Variants in SCN9A observed in about 807,000 individuals in gnomAD.
The protein encoded by SCN9A is sodium voltage-gated channel alpha subunit 9.
In SCN9A, 131 loss-of-function variants were observed where a neutral mutation model predicts 187.0. The observed-to-expected ratio is 0.70, with a 90% CI of 0.61 to 0.81. SCN9A has a LOEUF of 0.81. Ranked by LOEUF, SCN9A falls within the 30% of genes least tolerant of loss-of-function variation. The pLI is 0.00. For missense variants in SCN9A, 2,252 were observed against 2,396.6 expected (o/e 0.94, Z 1.26); for synonymous variants, 809 against 808.6 (o/e 1.00, Z -0.01).
chr2:166,307,104 G>T, intron 2 of SCN9A, 30 bp from the exon 3 acceptor site: 1 of 1,284,582 alleles, frequency 7.8e-7, no homozygotes, highest in Non-Finnish European at 1.1e-6. Context: ...GGATGAAATT[G>T]AGAATCCAAA....
At chr2:166,255,987 T>C (rs574496655) in intron 17 of SCN9A, among the ~76,000 whole-genome samples, 2 of 151,506 alleles carry the variant, frequency 1.3e-5, no homozygotes, top group Admixed American at 1.3e-4. Context: ...AGGAGTAAAA[T>C]AGTAAATTTC....
At chr2:166,226,478 A>G in intron 24 of SCN9A, 89 bp downstream of exon 24, 1 of 878,128 alleles carries the variant, frequency 1.1e-6, no homozygotes, top group Non-Finnish European at 1.7e-6. Context: ...TTAATCATGA[A>G]TTGATATCAA....
chr2:166,342,806 A>G (rs1699817408), intron 1 of SCN9A, among the ~76,000 whole-genome samples: 1 of 152,250 alleles, frequency 6.6e-6, no homozygotes, highest in African/African-American at 2.4e-5. Flanking sequence ...AAAGATAAGA[A>G]TGAAGACAAA....
chr2:166,368,903 C>A (rs1435241877), intron 1 of SCN9A, among the ~76,000 whole-genome samples: 1 of 151,386 alleles, frequency 6.6e-6, no homozygotes, highest in Non-Finnish European at 1.5e-5. Context: ...AGGAGAATTG[C>A]TTGAACCTGG....
intron 15 of SCN9A, 52 bp from the exon 16 acceptor site, chr2:166,277,391 G>A (rs1697284822): frequency 8.0e-7 from 1 of 1,249,304 alleles, no homozygotes; most frequent in African/African-American, 1.5e-5. Context: ...TCTTTTCAAT[G>A]TTTCCAATCT....
intron 1 of SCN9A, among the ~76,000 whole-genome samples, chr2:166,359,651 T>C (rs1325032755): frequency 6.6e-6 from 1 of 152,048 alleles, no homozygotes; most frequent in African/African-American, 2.4e-5. Flanking sequence ...ACAAGAGTAG[T>C]TCAATATTTC....
At chr2:166,209,666 CAAAAG>C (rs1693988201) in intron 24 of SCN9A, among the ~76,000 whole-genome samples, 1 of 152,084 alleles carries the variant, frequency 6.6e-6, no homozygotes, top group Non-Finnish European at 1.5e-5. Flanking sequence ...AGACACTTCT[CAAAAG>C]AAGACATTTA....
intron 1 of SCN9A, among the ~76,000 whole-genome samples, chr2:166,332,646 TATG>T: frequency 6.6e-6 from 1 of 152,286 alleles, no homozygotes; most frequent in Admixed American, 6.6e-5. Flanking sequence ...ATAAAATAGA[TATG>T]ATGATTTTGC....
intron 16 of SCN9A, among the ~76,000 whole-genome samples, chr2:166,276,265 A>T (rs1225099581): frequency 6.6e-6 from 1 of 152,270 alleles, no homozygotes; most frequent in East Asian, 1.9e-4. Flanking sequence ...ACTTTTTCGT[A>T]AAGGGCCAAA....
At chr2:166,203,323 T>C (rs1357911939) in intron 26 of SCN9A, among the ~76,000 whole-genome samples, 1 of 151,786 alleles carries the variant, frequency 6.6e-6, no homozygotes, top group Admixed American at 6.6e-5. Flanking sequence ...TTGCAAGATA[T>C]GTGAAAATAA....
At chr2:166,314,539 C>CA (rs1348628091) in intron 1 of SCN9A, among the ~76,000 whole-genome samples, 1 of 152,018 alleles carries the variant, frequency 6.6e-6, no homozygotes, top group Non-Finnish European at 1.5e-5. Flanking sequence ...TCATACTAGC[C>CA]AAAAAGTAAA....
intron 9 of SCN9A, among the ~76,000 whole-genome samples, chr2:166,291,250 T>G (rs1698054615): frequency 6.6e-6 from 1 of 152,108 alleles, no homozygotes; most frequent in Admixed American, 6.6e-5. Flanking sequence ...AAAATCAATG[T>G]GCAAAAATCA....
At chr2:166,351,383 G>A (rs948802837) in intron 1 of SCN9A, among the ~76,000 whole-genome samples, 3 of 152,164 alleles carry the variant, frequency 2.0e-5, no homozygotes, top group African/African-American at 7.2e-5. Flanking sequence ...ATGTGTCAAA[G>A]GTGAAAACAT....
intron 5 of SCN9A, 135 bp downstream of exon 5, chr2:166,305,657 T>C: frequency 1.7e-6 from 2 of 1,193,396 alleles, no homozygotes; most frequent in Non-Finnish European, 2.4e-6. Context: ...CTAGCTTTCA[T>C]ATAGCTTCCA....
At chr2:166,335,499 G>A (rs1265711999) in intron 1 of SCN9A, among the ~76,000 whole-genome samples, 2 of 152,134 alleles carry the variant, frequency 1.3e-5, no homozygotes, top group Non-Finnish European at 2.9e-5. Flanking sequence ...GGACACTGGA[G>A]TAAGACTGCC....
At chr2:166,312,149 T>C (rs955712351) in intron 1 of SCN9A, among the ~76,000 whole-genome samples, 1 of 152,328 alleles carries the variant, frequency 6.6e-6, no homozygotes. Context: ...TAAAAGTCTT[T>C]ATGATAATGC....
At chr2:166,267,207 A>C (rs1349030709) in intron 17 of SCN9A, among the ~76,000 whole-genome samples, 1 of 152,012 alleles carries the variant, frequency 6.6e-6, no homozygotes, top group Non-Finnish European at 1.5e-5. Flanking sequence ...TATGGCCTTC[A>C]TTACATTAAG....
chr2:166,329,778 G>A (rs941683493), intron 1 of SCN9A, among the ~76,000 whole-genome samples: 9 of 152,138 alleles, frequency 5.9e-5, no homozygotes, highest in Non-Finnish European at 1.3e-4. Flanking sequence ...TTGGACTTAG[G>A]AAGAAAGATT....
chr2:166,354,558 T>C (rs1458762037), intron 1 of SCN9A, among the ~76,000 whole-genome samples: 1 of 152,192 alleles, frequency 6.6e-6, no homozygotes, highest in Non-Finnish European at 1.5e-5. Context: ...ACCTTAAAAT[T>C]GTAGATATTT....
Sources: allele counts gnomAD v4.1 joint callset (sites outside exome capture counted in the v4.1 genomes callset), GRCh38; gene constraint gnomAD v4.1.1; transcripts MANE v1.5; gene names NCBI Gene and HGNC (gene_info 2026-07-23, HGNC 2026-07-21).